SGCZ: variants seen among roughly 807,000 people sequenced by gnomAD.
SGCZ encodes the protein sarcoglycan zeta.
SGCZ carries 40 observed loss-of-function variants against 41.3 expected under a neutral mutation model. The ratio of observed to expected loss-of-function variants is 0.97; its 90% confidence interval spans 0.75 to 1.26. The LOEUF (loss-of-function observed/expected upper bound fraction) is 1.26. SGCZ is among the 50% of genes most tolerant of loss of function. The pLI, the probability that SGCZ is intolerant of heterozygous loss-of-function variation, is 0.00. For synonymous variants in SGCZ, 206 were observed against 137.5 expected, an observed-to-expected ratio of 1.50 and a Z score of -3.49; for missense variants, 552 against 369.8, an observed-to-expected ratio of 1.49 and a Z score of -4.04.
chr8:14,178,145 G>A (rs1804611549), intron 4 of SGCZ, among the ~76,000 whole-genome samples: 1 of 151,216 alleles, frequency 6.6e-6, no homozygotes, highest in African/African-American at 2.4e-5. Context: ...GTGGAGATGG[G>A]GTTTCACCAT....
At chr8:14,916,586 A>C (rs1018277450) in intron 1 of SGCZ, among the ~76,000 whole-genome samples, 3 of 152,240 alleles carry the variant, frequency 2.0e-5, no homozygotes, top group African/African-American at 7.2e-5. Context: ...GCTCCATATA[A>C]GTTAACAAAC....
At chr8:14,409,307 G>A (rs969115412) in intron 2 of SGCZ, among the ~76,000 whole-genome samples, 1 of 151,966 alleles carries the variant, frequency 6.6e-6, no homozygotes, top group Non-Finnish European at 1.5e-5. Flanking sequence ...ATGTATAGGA[G>A]GGGGCCTCTT....
chr8:14,715,860 A>G (rs1437522358), intron 1 of SGCZ, among the ~76,000 whole-genome samples: 1 of 152,256 alleles, frequency 6.6e-6, no homozygotes, highest in Non-Finnish European at 1.5e-5. Context: ...CCCAAAACAC[A>G]TCAGGAAACA....
chr8:14,213,687 T>G (rs1030541593), intron 4 of SGCZ, among the ~76,000 whole-genome samples: 2 of 152,064 alleles, frequency 1.3e-5, no homozygotes, highest in Non-Finnish European at 2.9e-5. Context: ...TTAAATCATA[T>G]CTGTCAGTTT....
At chr8:14,562,771 A>G (rs1352494870) in intron 1 of SGCZ, among the ~76,000 whole-genome samples, 1 of 152,194 alleles carries the variant, frequency 6.6e-6, no homozygotes, top group African/African-American at 2.4e-5. Context: ...GCAGTATTAA[A>G]CCCACGACCA....
At chr8:14,852,862 C>T (rs1285033503) in intron 1 of SGCZ, among the ~76,000 whole-genome samples, 1 of 152,128 alleles carries the variant, frequency 6.6e-6, no homozygotes. Context: ...GTATTGTTCC[C>T]AGAATCTCCT....
At chr8:14,665,249 G>A (rs1807872786) in intron 1 of SGCZ, among the ~76,000 whole-genome samples, 1 of 152,120 alleles carries the variant, frequency 6.6e-6, no homozygotes, top group Non-Finnish European at 1.5e-5. Flanking sequence ...ACCTATGAGT[G>A]AGAAAATGTG....
intron 1 of SGCZ, among the ~76,000 whole-genome samples, chr8:14,938,648 GT>G (rs1800164007): frequency 6.6e-6 from 1 of 151,972 alleles, no homozygotes; most frequent in African/African-American, 2.4e-5. Context: ...AAAGTTCTAT[GT>G]CCATGGAATA....
intron 2 of SGCZ, among the ~76,000 whole-genome samples, chr8:14,328,535 A>C (rs1009085089): frequency 6.6e-6 from 1 of 152,216 alleles, no homozygotes; most frequent in Non-Finnish European, 1.5e-5. Context: ...AGCTTAAAAT[A>C]GTGCCTAATT....
At chr8:14,820,402 A>G (rs1324220357) in intron 1 of SGCZ, among the ~76,000 whole-genome samples, 2 of 152,076 alleles carry the variant, frequency 1.3e-5, no homozygotes, top group Non-Finnish European at 1.5e-5. Context: ...CTGCAATGAA[A>G]TAATAGTATA....
rs182661065 is a variant in SGCZ, at chr8:14,671,277, G to T, written c.40-116351C>A. Reference sequence around the variant, plus strand: ...TATCTTTTTATGACCTCTACTGGCTGTCTCTGCTCTGGCATTTCATAATTG... The same window carrying T: ...TATCTTTTTATGACCTCTACTGGCTTTCTCTGCTCTGGCATTTCATAATTG... On this transcript the variant is annotated intron_variant, in intron 1 of 7. Coordinates refer to ENST00000382080, the MANE Select transcript of SGCZ (RefSeq NM_139167.4). Among the ~76,000 whole-genome samples, 317 of 152,302 alleles carry T rather than the reference G, an allele frequency of 2.1e-3. 1 individual carries two copies. Among genetic ancestry groups the T allele is most frequent in the African/African-American group, 7.5e-3 (311 of 41,556 alleles).
chr8:14,360,472 C>A (rs529380240), intron 2 of SGCZ, among the ~76,000 whole-genome samples: 1 of 151,836 alleles, frequency 6.6e-6, no homozygotes, highest in African/African-American at 2.4e-5. Context: ...ATTACAGGCA[C>A]GCATCACCAC....
chr8:14,359,710 T>C (rs1803433807), intron 2 of SGCZ, among the ~76,000 whole-genome samples: 1 of 151,548 alleles, frequency 6.6e-6, no homozygotes, highest in African/African-American at 2.4e-5. Context: ...AAAGAACTAA[T>C]ATCGATTCTA....
At chr8:14,166,256 T>C (rs1804206549) in intron 4 of SGCZ, among the ~76,000 whole-genome samples, 1 of 152,214 alleles carries the variant, frequency 6.6e-6, no homozygotes, top group Non-Finnish European at 1.5e-5. Flanking sequence ...TTATATAATT[T>C]AATGAAAATA....
At chr8:15,172,163 T>TTATTTATTTATTTA (rs796278887) in intron 1 of SGCZ, among the ~76,000 whole-genome samples, 57 of 116,550 alleles carry the variant, frequency 4.9e-4, no homozygotes, top group South Asian at 1.7e-3. Flanking sequence ...TGTTTTTTTT[T>TTATTTATTTATTTA]TTTTTTTTTT....
chr8:14,538,516 T>A (rs78609323), intron 2 of SGCZ, among the ~76,000 whole-genome samples: 2,082 of 152,046 alleles, frequency 0.014, 18 homozygotes, highest in South Asian at 0.025. Context: ...GTTTCTGTGG[T>A]GAAATTACTA....
At chr8:14,282,964 C>G (rs1273884726) in intron 3 of SGCZ, among the ~76,000 whole-genome samples, 1 of 147,606 alleles carries the variant, frequency 6.8e-6, no homozygotes, top group African/African-American at 2.5e-5. Flanking sequence ...ATTCTCCTGC[C>G]TCAGCCTCCC....
chr8:14,772,481 G>A (rs1287246974), intron 1 of SGCZ, among the ~76,000 whole-genome samples: 1 of 151,210 alleles, frequency 6.6e-6, no homozygotes, highest in African/African-American at 2.4e-5. Flanking sequence ...ACGATGTGCA[G>A]GTTAGTTACA....
intron 1 of SGCZ, among the ~76,000 whole-genome samples, chr8:14,750,582 T>C (rs952454515): frequency 6.6e-6 from 1 of 152,094 alleles, no homozygotes; most frequent in Non-Finnish European, 1.5e-5. Flanking sequence ...AACATGTAGG[T>C]TCCAAGAATG....
Sources: allele counts gnomAD v4.1 joint callset (sites outside exome capture counted in the v4.1 genomes callset), GRCh38; gene constraint gnomAD v4.1.1; transcripts MANE v1.5; gene names NCBI Gene and HGNC (gene_info 2026-07-23, HGNC 2026-07-21).